Variants in COLEC10 observed in about 807,000 individuals in gnomAD.
The protein encoded by COLEC10 is collectin subfamily member 10.
Under a neutral mutation model 28.4 loss-of-function variants are expected in COLEC10, and 22 were observed. The ratio of observed to expected loss-of-function variants is 0.78; its 90% CI spans 0.55 to 1.11. COLEC10 has a LOEUF of 1.11. COLEC10 is among the 50% of genes least tolerant of loss of function. The probability of loss-of-function intolerance (pLI) is 0.00; values close to 1 mark genes in which losing one functional copy is unlikely to be tolerated. For missense variants in COLEC10, 361 were observed against 344.1 expected (o/e 1.05, Z -0.39); for synonymous variants, 125 against 116.1 (o/e 1.08, Z -0.49).
intron 3 of COLEC10, among the ~76,000 whole-genome samples, chr8:119,091,605 G>GAAAGAAAGA (rs1815603885): frequency 9.7e-6 from 1 of 103,058 alleles, no homozygotes; most frequent in African/African-American, 6.8e-5. Context: ...GAGAAAGAAA[G>GAAAGAAAGA]AAAGAAAGAA....
chr8:119,105,285 A>T (rs1467090362), intron 5 of COLEC10, among the ~76,000 whole-genome samples: 22 of 152,158 alleles, frequency 1.4e-4, no homozygotes, highest in Admixed American at 1.4e-3. Context: ...GGAGGAAGTG[A>T]AAGGGGCAAT....
chr8:119,040,519 A>G (rs1184924084), intron 2 of COLEC10, among the ~76,000 whole-genome samples: 1 of 152,212 alleles, frequency 6.6e-6, no homozygotes, highest in Non-Finnish European at 1.5e-5. Context: ...GATTTGTGGC[A>G]TGTAGGGAGA....
chr8:119,051,512 G>C (rs1401068093), intron 2 of COLEC10, among the ~76,000 whole-genome samples: 1 of 152,172 alleles, frequency 6.6e-6, no homozygotes, highest in Non-Finnish European at 1.5e-5. Context: ...GGACCAAAGT[G>C]TAAGTCTGAG....
intron 2 of COLEC10, among the ~76,000 whole-genome samples, chr8:119,011,171 G>A (rs1395084326): frequency 6.6e-6 from 1 of 150,994 alleles, no homozygotes; most frequent in African/African-American, 2.5e-5. Context: ...AGGTTGTAAA[G>A]TCTGTGTCTA....
intron 3 of COLEC10, among the ~76,000 whole-genome samples, chr8:119,101,451 GA>G (rs371844701): frequency 0.02 from 2,996 of 151,848 alleles, 45 homozygotes; most frequent in Admixed American, 0.042. Context: ...TTTTGAAGTT[GA>G]AAAAAAATTA....
intron 1 of COLEC10, among the ~76,000 whole-genome samples, chr8:119,073,346 A>AGATCAATGT (rs1361272703): frequency 3.9e-5 from 6 of 152,202 alleles, no homozygotes; most frequent in Non-Finnish European, 8.8e-5. Flanking sequence ...GGAGTTCATG[A>AGATCAATGT]GATCAATGTA....
intron 3 of COLEC10, among the ~76,000 whole-genome samples, chr8:119,095,912 T>C (rs1815705561): frequency 6.6e-6 from 1 of 152,214 alleles, no homozygotes; most frequent in Admixed American, 6.5e-5. Context: ...TAGAATAGTG[T>C]AATTTCATGA....
intron 1 of COLEC10, among the ~76,000 whole-genome samples, chr8:119,078,018 C>T (rs1004576815): frequency 2.6e-5 from 4 of 152,174 alleles, no homozygotes; most frequent in Admixed American, 2.6e-4. Flanking sequence ...TAGTGTCACA[C>T]TCTTTCAAAT....
At chr8:119,018,799 G>A (rs1226636848) in intron 2 of COLEC10, among the ~76,000 whole-genome samples, 1 of 152,134 alleles carries the variant, frequency 6.6e-6, no homozygotes, top group African/African-American at 2.4e-5. Flanking sequence ...TTAGCATGGA[G>A]ATTATGTGAT....
the COLEC10 span, among the ~76,000 whole-genome samples, chr8:118,963,178 A>G: frequency 6.6e-5 from 10 of 152,210 alleles, no homozygotes; most frequent in Non-Finnish European, 1.2e-4. Flanking sequence ...TACCAAATAA[A>G]GTGATAAAGG....
intron 1 of COLEC10, among the ~76,000 whole-genome samples, chr8:119,003,084 A>G (rs999543164): frequency 6.6e-6 from 1 of 152,168 alleles, no homozygotes; most frequent in Non-Finnish European, 1.5e-5. Flanking sequence ...ACTATTTAGG[A>G]ACAGAAAGGT....
the COLEC10 span, among the ~76,000 whole-genome samples, chr8:118,977,581 C>G: frequency 7.7e-6 from 1 of 129,262 alleles, no homozygotes; most frequent in Non-Finnish European, 1.6e-5. Flanking sequence ...AGGGGAACAT[C>G]ACACTCTGTG....
Position 119,000,251 on chromosome 8 carries a change from G to C in COLEC10, n.122+4678G>C, listed in dbSNP as rs574974688. 1.2e-4 allele frequency among the ~76,000 whole-genome samples: 19 copies of C among 152,310 alleles called. No individual in the cohort carries two copies. The South Asian group carries it at 3.7e-3, about 30-fold the overall frequency. ...ACTATCTTGCAATGTTTTCAGCTGA[G>C]AGTGAGAGGGGAAGAAAAGTCGGAC... On this transcript the variant is annotated intron_variant and non_coding_transcript_variant, in intron 1 of 6. Transcript: ENST00000521788.
chr8:119,043,420 C>T (rs1243112594), intron 2 of COLEC10, among the ~76,000 whole-genome samples: 1 of 152,136 alleles, frequency 6.6e-6, no homozygotes, highest in Non-Finnish European at 1.5e-5. Context: ...AACCAGACAG[C>T]GTCTATTGTG....
At chr8:118,980,895 G>A in the COLEC10 span, among the ~76,000 whole-genome samples, 3 of 151,764 alleles carry the variant, frequency 2.0e-5, no homozygotes, top group Admixed American at 6.6e-5. Context: ...TTGTTTGCAG[G>A]GGGGTGGATT....
the COLEC10 span, among the ~76,000 whole-genome samples, chr8:118,982,148 A>G: frequency 6.6e-6 from 1 of 152,144 alleles, no homozygotes; most frequent in African/African-American, 2.4e-5. Context: ...ATTTAATTAT[A>G]TTCTTTTAAT....
chr8:119,059,830 C>T (rs1814823129), intron 2 of COLEC10, among the ~76,000 whole-genome samples: 1 of 152,088 alleles, frequency 6.6e-6, no homozygotes, highest in African/African-American at 2.4e-5. Context: ...ATGACCACTA[C>T]TCAATCCATT....
chr8:119,106,382 T>C lies in COLEC10; in HGVS notation c.*191T>C, dbSNP rs1587070457. 3 of 576,366 alleles carry C rather than the reference T, an allele frequency of 5.2e-6. No individual in the cohort carries two copies. The highest frequency in any genetic ancestry group is 5.9e-5 in the East Asian group (2 of 33,912). 35.7% of individuals were successfully genotyped at this position (576,366 alleles called of 1,614,324 possible). On this transcript the variant is annotated 3_prime_UTR_variant, in exon 6 of 6. Transcript: ENST00000332843. Reference sequence around the variant, plus strand: ...TCATATTTTCACACATGGTATATTATTGACCCAATAACTCGCCAGGTTACA... The same window carrying C: ...TCATATTTTCACACATGGTATATTACTGACCCAATAACTCGCCAGGTTACA...
intron 2 of COLEC10, among the ~76,000 whole-genome samples, chr8:119,030,016 C>T (rs997439779): frequency 6.6e-6 from 1 of 152,188 alleles, no homozygotes; most frequent in Admixed American, 6.5e-5. Flanking sequence ...TGTCCCTACT[C>T]ATCCTCCTTT....
Sources: gnomAD v4.1 joint callset for allele counts (sites outside exome capture counted in the v4.1 genomes callset) on GRCh38, gnomAD v4.1.1 for gene constraint, MANE v1.5 for transcripts, NCBI Gene and HGNC (gene_info 2026-07-23, HGNC 2026-07-21) for gene names.